FKBP9: variants seen among roughly 807,000 people sequenced by gnomAD.
FKBP9 encodes FKBP prolyl isomerase 9.
FKBP9 carries 27 observed loss-of-function variants against 55.6 expected under a neutral mutation model. That is an observed-to-expected ratio of 0.49 (90% confidence interval 0.36 to 0.67). The LOEUF is 0.67. FKBP9 is among the 30% of genes least tolerant of loss of function. The probability of loss-of-function intolerance (pLI) is 0.00; values close to 1 mark genes in which losing one functional copy is unlikely to be tolerated. For synonymous variants in FKBP9, 267 were observed against 296.5 expected (o/e 0.90, Z 1.02); for missense variants, 539 against 742.8 (o/e 0.73, Z 3.19).
intron 1 of FKBP9, among the ~76,000 whole-genome samples, chr7:32,959,438 A>C (rs1384315214): frequency 6.7e-6 from 1 of 148,732 alleles, no homozygotes; most frequent in Admixed American, 6.6e-5. Context: ...AAAACGAAAC[A>C]AAAAAAACAG....
intron 5 of FKBP9, among the ~76,000 whole-genome samples, chr7:32,984,430 G>A (rs1166313535): frequency 6.6e-6 from 1 of 151,962 alleles, no homozygotes; most frequent in Non-Finnish European, 1.5e-5. Context: ...TCATTTTTTT[G>A]TATTTTTAGT....
chr7:33,005,641 T>C lies in FKBP9; in HGVS notation c.*290T>C. On this transcript the variant is annotated 3_prime_UTR_variant, in exon 10 of 10. Transcript: ENST00000242209. ...CATGATTTGTGAGCCTTCTGGGAAA[T>C]TTTGTTATTAAAGGAATATATAGTG... 1.7e-5 allele frequency: 6 copies of C among 344,570 alleles called. No homozygotes were observed. In the South Asian group the frequency reaches 4.2e-4, roughly 24 times the overall value. The allele number at this position is 344,570 out of a possible 1,614,324, so 21.3% of individuals were successfully genotyped here.
At chr7:33,004,854 C>T (rs1312166818) in intron 9 of FKBP9, among the ~76,000 whole-genome samples, 1 of 151,984 alleles carries the variant, frequency 6.6e-6, no homozygotes, top group Non-Finnish European at 1.5e-5. Flanking sequence ...AATGTTCTTA[C>T]AGTCTTGGGT....
At chr7:32,965,866 T>TATATATATGTATACACATATATATATAC (rs70989913) in intron 1 of FKBP9, among the ~76,000 whole-genome samples, 2 of 97,542 alleles carry the variant, frequency 2.1e-5, no homozygotes, top group South Asian at 6.4e-4. Flanking sequence ...TATATATATA[T>TATATATATGTATACACATATATATATAC]ACATACATAT....
chr7:33,000,067 T>G (rs1225324188), intron 7 of FKBP9, 48 bp from the exon 8 acceptor site: 1 of 1,612,288 alleles, frequency 6.2e-7, no homozygotes, highest in Non-Finnish European at 8.5e-7. Flanking sequence ...ACACTCTCAG[T>G]GCCAATGGGT....
At chr7:32,963,249 C>T (rs1405253753) in intron 1 of FKBP9, among the ~76,000 whole-genome samples, 1 of 142,658 alleles carries the variant, frequency 7.0e-6, no homozygotes, top group Non-Finnish European at 1.5e-5. Flanking sequence ...ATATTTGGGT[C>T]AGGAGGCAGG....
At chr7:32,990,400 C>T (rs1312425514) in intron 6 of FKBP9, among the ~76,000 whole-genome samples, 2 of 152,170 alleles carry the variant, frequency 1.3e-5, no homozygotes, top group Non-Finnish European at 2.9e-5. Flanking sequence ...ATATCCCTAA[C>T]AATACCTTGA....
chr7:32,965,495 C>T (rs1454139523), intron 1 of FKBP9, among the ~76,000 whole-genome samples: 1 of 151,982 alleles, frequency 6.6e-6, no homozygotes, highest in Non-Finnish European at 1.5e-5. Flanking sequence ...AAGCCCCATT[C>T]TGCCTTAAGA....
At chr7:32,976,889 C>A (rs1306213034) in intron 4 of FKBP9, among the ~76,000 whole-genome samples, 1 of 152,200 alleles carries the variant, frequency 6.6e-6, no homozygotes, top group Non-Finnish European at 1.5e-5. Flanking sequence ...CCCTCTGCCC[C>A]TGTTGTACCT....
At chr7:32,984,000 ATTTG>A (rs1374094916) in intron 5 of FKBP9, among the ~76,000 whole-genome samples, 3 of 152,018 alleles carry the variant, frequency 2.0e-5, no homozygotes, top group Non-Finnish European at 4.4e-5. Flanking sequence ...TCCTCAATTT[ATTTG>A]TTTGTTAATT....
Position 33,002,760 on chromosome 7 carries a change from T to C in FKBP9, c.1457T>C (p.Phe486Ser), listed in dbSNP as rs1198812899. Residue 486 changes from phenylalanine to serine, a missense_variant, in exon 9 of 10, where the codon TTC becomes TCC. By Grantham distance (155) the Phe-to-Ser change is radical. This residue lies in a region of FKBP9 where 102 missense variants were observed against 200.7 expected (regional missense o/e 0.51). Coordinates refer to ENST00000242209, the MANE Select transcript of FKBP9 (RefSeq NM_007270.5). Reference protein sequence around the residue: ...LVAGLPEGYMFIWNGEVSPNL... With the variant: ...LVAGLPEGYMSIWNGEVSPNL... ...GCTGGCCTTCCTGAGGGGTACATGTTCATATGGAATGGTGAGGTGTCACCC... is the reference window on the plus strand; with the variant it reads ...GCTGGCCTTCCTGAGGGGTACATGTCCATATGGAATGGTGAGGTGTCACCC... 6.2e-7 allele frequency: 1 copy of C among 1,614,090 alleles called. No homozygotes were observed. The highest frequency in any genetic ancestry group is 8.5e-7 in the Non-Finnish European group (1 of 1,180,046).
intron 1 of FKBP9, among the ~76,000 whole-genome samples, chr7:32,968,059 C>G (rs1376074706): frequency 1.3e-5 from 2 of 152,072 alleles, no homozygotes; most frequent in African/African-American, 4.8e-5. Flanking sequence ...CCAGCTTAGA[C>G]AGAGTCTTTT....
At chr7:32,998,997 T>C (rs181890481) in intron 7 of FKBP9, among the ~76,000 whole-genome samples, 194 of 152,352 alleles carry the variant, frequency 1.3e-3, no homozygotes, top group African/African-American at 4.5e-3. Flanking sequence ...CATGCGTTCC[T>C]GGATGACTGA....
intron 1 of FKBP9, among the ~76,000 whole-genome samples, chr7:32,964,092 G>C (rs1232157307): frequency 1.3e-5 from 2 of 152,220 alleles, no homozygotes; most frequent in Admixed American, 6.5e-5. Context: ...GAGTGTGACT[G>C]CACATTGCAG....
chr7:32,992,929 A>G (rs1443967518), intron 6 of FKBP9: 2 of 230,628 alleles, frequency 8.7e-6, no homozygotes, highest in Non-Finnish European at 1.7e-5. Context: ...TTAACTTCCT[A>G]GAAGCTGACA....
chr7:32,976,034 T>C (rs1241718559), intron 3 of FKBP9, among the ~76,000 whole-genome samples: 1 of 152,146 alleles, frequency 6.6e-6, no homozygotes, highest in Non-Finnish European at 1.5e-5. Context: ...AAGATGAATG[T>C]ATGTGAAGCT....
rs184857250 is a variant in FKBP9, at chr7:32,980,908, A to T, written c.893+355A>T. Among the ~76,000 whole-genome samples the T allele has an allele frequency of 3.6e-3, 547 of 151,030 alleles. 4 individuals carry two copies. Among genetic ancestry groups the T allele is most frequent in the African/African-American group, 0.012 (482 of 41,070 alleles). The stretch of plus-strand genomic sequence containing the variant: ...TGCCACCATGCTTGGCTAATGTTTT[A>T]TTTTTTGTAGAGATGGGCTTAAGTT... On this transcript the variant is annotated intron_variant, in intron 5 of 9. Coordinates refer to ENST00000242209, the MANE Select transcript of FKBP9 (RefSeq NM_007270.5).
chr7:33,005,295 G>T lies in FKBP9; in HGVS notation c.1657G>T (p.Val553Phe), dbSNP rs772348860. ...TNQDRNGDGK[V>F]TAEEFKLKDQ... is the part of the protein sequence containing the mutation. ...CCAGGACCGGAATGGAGATGGGAAG[G>T]TCACAGCCGAGGAATTTAAACTCAA... Residue 553 changes from valine to phenylalanine, a missense_variant, in exon 10 of 10, where the codon GTC (valine) becomes TTC (phenylalanine). This residue lies in a region of FKBP9 where 102 missense variants were observed against 200.7 expected (regional missense o/e 0.51). Transcript: ENST00000242209. The T allele has an allele frequency of 5.6e-6, 9 of 1,614,212 alleles. No homozygotes were observed. Among genetic ancestry groups the T allele is most frequent in the South Asian group, 1.1e-5 (1 of 91,086 alleles).
chr7:32,978,533 G>A (rs551984438), intron 4 of FKBP9, among the ~76,000 whole-genome samples: 2 of 152,010 alleles, frequency 1.3e-5, no homozygotes, highest in East Asian at 3.9e-4. Context: ...AGTTAAAAAA[G>A]TTTTTTTAGA....
Sources: allele counts gnomAD v4.1 joint callset (sites outside exome capture counted in the v4.1 genomes callset), GRCh38; gene constraint gnomAD v4.1.1; regional missense constraint gnomAD v4.1.1; transcripts MANE v1.5; gene names NCBI Gene and HGNC (gene_info 2026-07-23, HGNC 2026-07-21).